The following UTP20 variants were observed in gnomAD, a reference collection of about 807,000 sequenced individuals.
UTP20 encodes the protein small subunit processome component 20 homolog.
In UTP20, 164 loss-of-function variants were observed where a neutral mutation model predicts 329.5. The ratio of observed to expected loss-of-function variants is 0.50; its 90% CI spans 0.44 to 0.57. The LOEUF (loss-of-function observed/expected upper bound fraction) is 0.57. UTP20 is among the 20% of genes least tolerant of loss of function. UTP20 has a pLI of 0.00. For missense variants in UTP20, 3,055 were observed against 3,284.2 expected (o/e 0.93, Z 1.71); for synonymous variants, 1,151 against 1,159.3 (o/e 0.99, Z 0.14).
At position 101,372,973 on chromosome 12, in the gene UTP20, A is replaced by G. The variant is rs752537519; in HGVS notation, c.6878+10A>G. ...TGCTCGCTCAACTGAAGTAAGCTTAAGCTATTAACTACACAGGGGCGGAGG... is the reference window on the plus strand; with the variant it reads ...TGCTCGCTCAACTGAAGTAAGCTTAGGCTATTAACTACACAGGGGCGGAGG... On this transcript the variant is annotated intron_variant, in intron 52 of 61. Coordinates refer to ENST00000261637, the MANE Select transcript of UTP20 (RefSeq NM_014503.3). 3 of 1,611,610 alleles carry G rather than the reference A, an allele frequency of 1.9e-6. No individual in the cohort carries two copies. The highest frequency in any genetic ancestry group is 1.1e-5 in the South Asian group (1 of 91,016).
At chr12:101,324,364 T>C (rs11110751) in intron 25 of UTP20, among the ~76,000 whole-genome samples, 87,731 of 151,464 alleles carry the variant, frequency 0.58, 28,047 homozygotes, top group East Asian at 0.94. Context: ...CAGCTCCCCA[T>C]GTACCTGGGA....
At chr12:101,285,544 T>C (rs1392218642) in intron 2 of UTP20, 26 bp from the exon 3 acceptor site, 1 of 1,609,976 alleles carries the variant, frequency 6.2e-7, no homozygotes, top group Admixed American at 1.7e-5. Context: ...AGTTATTTGA[T>C]TAATGGACTG....
At chr12:101,305,879 T>C (rs764611554) in intron 15 of UTP20, 36 bp from the exon 16 acceptor site, 2 of 1,534,390 alleles carry the variant, frequency 1.3e-6, no homozygotes, top group Non-Finnish European at 1.8e-6. Flanking sequence ...CTGGGTTATA[T>C]GGTACAGTTT....
chr12:101,315,411 G>A (rs958008731), intron 21 of UTP20, among the ~76,000 whole-genome samples: 3 of 152,020 alleles, frequency 2.0e-5, no homozygotes, highest in African/African-American at 4.8e-5. Context: ...TTGAACCCAG[G>A]AGGCAGAGGT....
chr12:101,326,929 T>C lies in UTP20; in HGVS notation c.3042-152T>C, dbSNP rs933858369. 8 of 808,538 alleles carry C rather than the reference T, an allele frequency of 9.9e-6. No homozygotes were observed. In the Admixed American group the frequency reaches 1.6e-4, roughly 16 times the overall value. 50.1% of individuals were successfully genotyped at this position (808,538 alleles called of 1,614,324 possible). Reference sequence around the variant, plus strand: ...TGTTGTTGACTTTTTTCATTGTCTGTGTTAAATATCTAATTTCTATTTTCA... The same window carrying C: ...TGTTGTTGACTTTTTTCATTGTCTGCGTTAAATATCTAATTTCTATTTTCA... On this transcript the variant is annotated intron_variant, in intron 25 of 61. Transcript: ENST00000261637.
At chr12:101,337,326 A>G (rs1178390578) in intron 29 of UTP20, among the ~76,000 whole-genome samples, 1 of 152,180 alleles carries the variant, frequency 6.6e-6, no homozygotes, top group Non-Finnish European at 1.5e-5. Context: ...TTTTCCAGTG[A>G]TGATAAATTG....
In UTP20 at chr12:101,369,818, T is replaced by G; in HGVS notation, c.6482T>G (p.Leu2161Arg). 6.2e-7 allele frequency: 1 copy of G among 1,614,118 alleles called. No individual in the cohort carries two copies. Among genetic ancestry groups the G allele is most frequent in the Middle Eastern group, 1.6e-4 (1 of 6,062 alleles). The change falls in exon 49 of 62, where the codon CTT (leucine) becomes CGT (arginine). Residue 2161 changes from leucine to arginine, a missense_variant. This residue lies in a region of UTP20 where 2,445 missense variants were observed against 2,575.5 expected (regional missense o/e 0.95). Coordinates refer to ENST00000261637, the MANE Select transcript of UTP20 (RefSeq NM_014503.3). ...KAEQLTKHLFLLLKDYAKLGA... is the reference protein window; with the variant it reads ...KAEQLTKHLFRLLKDYAKLGA... ...GAGCAGCTGACAAAACACCTCTTCC[T>G]TCTGCTGAAGGACTATGCAAAGCTC...
chr12:101,300,331 C>T (rs1399057872), intron 14 of UTP20, among the ~76,000 whole-genome samples: 9 of 152,124 alleles, frequency 5.9e-5, no homozygotes, highest in Admixed American at 5.9e-4. Context: ...AGCCCCATAC[C>T]AGGTCCTCTT....
intron 19 of UTP20, 135 bp from the exon 20 acceptor site, chr12:101,311,584 T>G (rs1304033528): frequency 4.3e-6 from 3 of 698,624 alleles, no homozygotes; most frequent in African/African-American, 1.8e-5. Flanking sequence ...GTGCAAAAGG[T>G]GTTTACGACT....
In UTP20 at chr12:101,369,719, A is replaced by T. The variant is rs750192564; in HGVS notation, c.6385-2A>T. 1.0e-5 allele frequency: 15 copies of T among 1,507,088 alleles called. No homozygotes were observed. Among genetic ancestry groups the T allele is most frequent in the Admixed American group, 1.7e-5 (1 of 58,606 alleles). 93.4% of individuals were successfully genotyped at this position (1,507,088 alleles called of 1,614,324 possible). ...GGTGGTGTTTTGTTTTGTTTTTTTC[A>T]GGTGATCACAGGTGCTTTACAGTGC... On this transcript the variant is annotated splice_acceptor_variant, in intron 48 of 61. Transcript: ENST00000261637. LOFTEE classifies it high-confidence loss of function.
rs1349853976 is a variant in UTP20 at position 101,321,519 on chromosome 12, G to C, written c.2931G>C (p.Arg977Ser). Residue 977 changes from arginine (R) to serine (S), a missense_variant, in exon 25 of 62, where the codon AGG becomes AGC. Physicochemically the swap from Arg to Ser is moderately radical, Grantham distance 110 (BLOSUM62 -1). Around this residue, in one of 3 missense-constraint regions of UTP20, gnomAD observed 2,445 missense variants for 2,575.5 expected, o/e 0.95. Transcript: ENST00000261637. ...HVLPYRENLQRLLEDRSFKEE... is the reference protein window; with the variant it reads ...HVLPYRENLQSLLEDRSFKEE... ...GTTTTTAAAGGGAAAACTTACAAAG[G>C]TTGCTTGAAGACAGAAGCTTTAAGG... 1 of 1,613,156 alleles carries C rather than the reference G, an allele frequency of 6.2e-7. No homozygotes were observed. Among genetic ancestry groups the C allele is most frequent in the Non-Finnish European group, 8.5e-7 (1 of 1,179,562 alleles).
chr12:101,284,968 C>G (rs1593415587), intron 2 of UTP20, among the ~76,000 whole-genome samples: 1 of 152,054 alleles, frequency 6.6e-6, no homozygotes, highest in African/African-American at 2.4e-5. Context: ...AGTTCTAGTT[C>G]AATAGAGATA....
chr12:101,332,616 C>A (rs1258841723), intron 27 of UTP20, among the ~76,000 whole-genome samples: 1 of 152,202 alleles, frequency 6.6e-6, no homozygotes, highest in African/African-American at 2.4e-5. Context: ...CACACTCATT[C>A]CAGCCTCTAT....
At chr12:101,285,322 A>G (rs1254056248) in intron 2 of UTP20, among the ~76,000 whole-genome samples, 2 of 152,198 alleles carry the variant, frequency 1.3e-5, no homozygotes, top group Non-Finnish European at 1.5e-5. Context: ...CTTAGTGGAC[A>G]ATATATATAG....
At position 101,340,262 on chromosome 12, in the gene UTP20, C is replaced by G. The variant is rs7976916; in HGVS notation, c.4014-261C>G. ...GAGTTCACTCTAACCCACCTATTCA[C>G]CTGTTCACTCTAACCCACACAATCA... On this transcript the variant is annotated intron_variant, in intron 31 of 61. Coordinates refer to ENST00000261637, the MANE Select transcript of UTP20 (RefSeq NM_014503.3). Among the ~76,000 whole-genome samples the G allele has an allele frequency of 0.12, 18,152 of 152,154 alleles. 1,347 individuals are homozygous for G. The highest frequency in any genetic ancestry group is 0.23 in the Middle Eastern group (69 of 294).
In UTP20 at chr12:101,329,405, T is replaced by A. The variant is rs1868679359; in HGVS notation, c.3373T>A (p.Cys1125Ser). Residue 1125 changes from cysteine (C) to serine (S), a missense_variant, in exon 27 of 62, where the codon TGT becomes AGT. Around this residue, in one of 3 missense-constraint regions of UTP20, gnomAD observed 2,445 missense variants for 2,575.5 expected, o/e 0.95. Coordinates refer to ENST00000261637, the MANE Select transcript of UTP20 (RefSeq NM_014503.3). The stretch of plus-strand genomic sequence containing the variant: ...GCCGAAGATTTTGCAGATACTGCTC[T>A]GTATGACAGCAACCGTATCACACAT... ...YLPKILQILL[C>S]MTATVSHILD... 6.2e-7 allele frequency: 1 copy of A among 1,613,902 alleles called. No homozygotes were observed. Among genetic ancestry groups the A allele is most frequent in the Admixed American group, 1.7e-5 (1 of 60,010 alleles).
Position 101,320,835 on chromosome 12 carries a change from T to C in UTP20, c.2830-17T>C. ...TGTATATATGACTTCATTAATTCTG[T>C]AAAATACTGTTCTTAGTTGTTGCTA... On this transcript the variant is annotated splice_polypyrimidine_tract_variant and intron_variant, in intron 23 of 61. Transcript: ENST00000261637. 6.3e-7 allele frequency: 1 copy of C among 1,599,050 alleles called. No homozygotes were observed. Among genetic ancestry groups the C allele is most frequent in the Non-Finnish European group, 8.5e-7 (1 of 1,175,250 alleles).
intron 26 of UTP20, among the ~76,000 whole-genome samples, chr12:101,327,908 A>G (rs1210447537): frequency 6.6e-6 from 1 of 152,186 alleles, no homozygotes; most frequent in East Asian, 1.9e-4. Flanking sequence ...CAGACAATCA[A>G]CCACATGAGC....
rs770341509 is a variant in UTP20, at chr12:101,286,375, A to G, written c.381A>G (p.Pro127=). The G allele has an allele frequency of 6.2e-7, 1 of 1,613,758 alleles. No individual in the cohort carries two copies. Among genetic ancestry groups the G allele is most frequent in the Non-Finnish European group, 8.5e-7 (1 of 1,179,882 alleles). Residue 127 remains proline (P), a synonymous_variant, in exon 5 of 62, where the codon CCA becomes CCG. Coordinates refer to ENST00000261637, the MANE Select transcript of UTP20 (RefSeq NM_014503.3). ...AGATGGATTTCTACCCACACTTTCC[A>G]GAGTTTTTTTTGACTATCACCTCGA... The part of the protein sequence containing the change: ...DLQMDFYPHF[P]EFFLTITSIL...
Sources: gnomAD v4.1 joint callset for allele counts (sites outside exome capture counted in the v4.1 genomes callset) on GRCh38, gnomAD v4.1.1 for gene constraint, gnomAD v4.1.1 regional missense constraint, MANE v1.5 for transcripts, NCBI Gene and HGNC (gene_info 2026-07-23, HGNC 2026-07-21) for gene names.